RUNDC3B: variants seen among roughly 807,000 people sequenced by gnomAD.
RUNDC3B encodes RUN domain-containing protein 3B.
In RUNDC3B, 33 loss-of-function variants were observed where a neutral mutation model predicts 58.4. The observed-to-expected ratio is 0.56, with a 90% confidence interval of 0.43 to 0.75. The LOEUF (loss-of-function observed/expected upper bound fraction) is 0.75, where lower values mean the gene tolerates loss of function less well. Among genes scored for constraint, RUNDC3B ranks in the 30% least tolerant of loss-of-function variants. RUNDC3B has a pLI of 0.00. For synonymous variants in RUNDC3B, 193 were observed against 195.2 expected, an observed-to-expected ratio of 0.99 and a Z score of 0.10; for missense variants, 501 against 535.7, an observed-to-expected ratio of 0.94 and a Z score of 0.64.
At chr7:87,806,463 A>T (rs1032936738) in intron 8 of RUNDC3B, among the ~76,000 whole-genome samples, 1 of 152,184 alleles carries the variant, frequency 6.6e-6, no homozygotes, top group Admixed American at 6.5e-5. Flanking sequence ...GGCACACTAA[A>T]GCCATGGACT....
Position 87,739,816 on chromosome 7 carries a change from G to T in RUNDC3B, c.484G>T (p.Val162Phe). 6.3e-7 allele frequency: 1 copy of T among 1,588,596 alleles called. No homozygotes were observed. Among genetic ancestry groups the T allele is most frequent in the East Asian group, 2.2e-5 (1 of 44,484 alleles). ...GAGATTTTATGAAGATGGAGCAATT[G>T]TCTTGGGTGAAGAAGCAAATATGCT... The part of the protein sequence containing the change: ...TRRFYEDGAI[V>F]LGEEANMLAG... Residue 162 changes from valine to phenylalanine, a missense_variant, in exon 5 of 11, where the codon GTC (valine) becomes TTC (phenylalanine). Val to Phe is a conservative substitution (Grantham distance 50, BLOSUM62 -1). Coordinates refer to ENST00000394654, the MANE Select transcript of RUNDC3B (RefSeq NM_001134405.2).
At chr7:87,702,904 C>T (rs1244211431) in intron 3 of RUNDC3B, among the ~76,000 whole-genome samples, 1 of 152,106 alleles carries the variant, frequency 6.6e-6, no homozygotes, top group African/African-American at 2.4e-5. Flanking sequence ...AAAAGGTATA[C>T]TCAACAGAAG....
Position 87,650,806 on chromosome 7 carries a change from A to T in RUNDC3B, c.123-16A>T. ...ATCAACTCTGCCTAAAAGCAACAAT[A>T]ATCTTTTTTTCATAGGTTTTCTGTG... On this transcript the variant is annotated splice_polypyrimidine_tract_variant and intron_variant, in intron 1 of 10. Transcript: ENST00000394654. The T allele has an allele frequency of 6.6e-7, 1 of 1,506,234 alleles. No individual in the cohort carries two copies. The highest frequency in any genetic ancestry group is 9.2e-7 in the Non-Finnish European group (1 of 1,082,374). 93.3% of individuals were successfully genotyped at this position (1,506,234 alleles called of 1,614,324 possible).
At chr7:87,709,237 A>T (rs943691060) in intron 3 of RUNDC3B, 7 of 985,056 alleles carry the variant, frequency 7.1e-6, no homozygotes, top group Non-Finnish European at 8.4e-6. Flanking sequence ...ATCTAGTAAC[A>T]GCATAGTCTC....
chr7:87,654,286 C>A (rs962396579), intron 2 of RUNDC3B, among the ~76,000 whole-genome samples: 16 of 151,840 alleles, frequency 1.1e-4, no homozygotes, highest in African/African-American at 3.9e-4. Context: ...CAATCTTGAG[C>A]AAAAAGAACA....
chr7:87,749,399 T>C (rs576712526), intron 6 of RUNDC3B, among the ~76,000 whole-genome samples: 1 of 152,326 alleles, frequency 6.6e-6, no homozygotes, highest in East Asian at 1.9e-4. Flanking sequence ...AACATGTATA[T>C]ATACCTTCTT....
chr7:87,692,449 C>T (rs1461867736), intron 2 of RUNDC3B, among the ~76,000 whole-genome samples: 2 of 152,106 alleles, frequency 1.3e-5, no homozygotes, highest in African/African-American at 4.8e-5. Context: ...AAAGTGAGAA[C>T]CTGTCTCTTA....
intron 4 of RUNDC3B, among the ~76,000 whole-genome samples, chr7:87,736,767 G>C (rs184884294): frequency 8.5e-4 from 117 of 136,884 alleles, no homozygotes; most frequent in African/African-American, 2.9e-3. Context: ...GTTTTGGTTA[G>C]ATTCTTCTCA....
intron 8 of RUNDC3B, among the ~76,000 whole-genome samples, chr7:87,789,225 G>C (rs570168367): frequency 3.0e-4 from 45 of 152,290 alleles, no homozygotes; most frequent in South Asian, 2.5e-3. Context: ...TTCCTAGTTA[G>C]CTGATGAATG....
intron 6 of RUNDC3B, among the ~76,000 whole-genome samples, chr7:87,750,066 C>A (rs1376081998): frequency 6.6e-6 from 1 of 151,158 alleles, no homozygotes; most frequent in Non-Finnish European, 1.5e-5. Context: ...GTGTGATGTT[C>A]CCCTTCCTGT....
At chr7:87,775,445 A>G (rs146063251) in intron 7 of RUNDC3B, among the ~76,000 whole-genome samples, 37 of 152,342 alleles carry the variant, frequency 2.4e-4, no homozygotes, top group African/African-American at 8.4e-4. Flanking sequence ...AAAAATTTGT[A>G]AAGTAAAAAT....
At chr7:87,806,788 T>G (rs1346068023) in intron 8 of RUNDC3B, among the ~76,000 whole-genome samples, 1 of 152,138 alleles carries the variant, frequency 6.6e-6, no homozygotes, top group African/African-American at 2.4e-5. Context: ...TCATGAAGAT[T>G]TATCAGTAGT....
At chr7:87,710,546 T>A in intron 3 of RUNDC3B, 24 bp from the exon 4 acceptor site, 1 of 1,407,116 alleles carries the variant, frequency 7.1e-7, no homozygotes, top group Non-Finnish European at 9.8e-7. Flanking sequence ...TTTTTTATAT[T>A]TGATTCTTTC....
intron 4 of RUNDC3B, among the ~76,000 whole-genome samples, chr7:87,710,963 T>G (rs1301418877): frequency 6.6e-6 from 1 of 152,204 alleles, no homozygotes; most frequent in Non-Finnish European, 1.5e-5. Context: ...TGGATTTGAA[T>G]TTAAGTATGA....
At chr7:87,683,582 G>C (rs1009239585) in intron 2 of RUNDC3B, among the ~76,000 whole-genome samples, 2 of 152,174 alleles carry the variant, frequency 1.3e-5, no homozygotes, top group Non-Finnish European at 2.9e-5. Context: ...GGTAGCTGGA[G>C]CATTCAGAAC....
rs115146589 is a variant in RUNDC3B at position 87,732,932 on chromosome 7, A to G, written c.459-6859A>G. On this transcript the variant is annotated intron_variant, in intron 4 of 10. Transcript: ENST00000394654. ...CAGAAACACAATCTTTCCATAACGT[A>G]TGATTAACAAGATATTAATCAGCAG... 4.8e-3 allele frequency among the ~76,000 whole-genome samples: 735 copies of G among 152,334 alleles called. 5 individuals are homozygous for G. Among genetic ancestry groups the G allele is most frequent in the African/African-American group, 0.016 (646 of 41,572 alleles).
intron 8 of RUNDC3B, among the ~76,000 whole-genome samples, chr7:87,804,022 A>G (rs995418728): frequency 3.3e-5 from 5 of 152,160 alleles, no homozygotes; most frequent in African/African-American, 1.2e-4. Flanking sequence ...GCTTATAATC[A>G]AAGTAGAAGA....
At chr7:87,672,965 G>A (rs925234082) in intron 2 of RUNDC3B, among the ~76,000 whole-genome samples, 1 of 152,112 alleles carries the variant, frequency 6.6e-6, no homozygotes, top group Admixed American at 6.5e-5. Flanking sequence ...TGAGAGCCAT[G>A]CACACTGGCT....
intron 6 of RUNDC3B, among the ~76,000 whole-genome samples, chr7:87,761,887 T>C (rs1277184588): frequency 6.6e-6 from 1 of 151,724 alleles, no homozygotes; most frequent in Non-Finnish European, 1.5e-5. Context: ...ATGATATATT[T>C]CCCAGTTCTT....
Sources: gnomAD v4.1 joint callset for allele counts (sites outside exome capture counted in the v4.1 genomes callset) on GRCh38, gnomAD v4.1.1 for gene constraint, MANE v1.5 for transcripts, NCBI Gene and HGNC (gene_info 2026-07-23, HGNC 2026-07-21) for gene names.